Variants in PHACTR1 observed in about 807,000 individuals in gnomAD.
PHACTR1 encodes RPEL repeat containing 1.
Under a neutral mutation model 69.2 loss-of-function variants are expected in PHACTR1, and 16 were observed. The observed-to-expected ratio is 0.23, with a 90% CI of 0.16 to 0.35. PHACTR1 has a LOEUF of 0.35. PHACTR1 is among the 10% of genes least tolerant of loss of function. The probability of loss-of-function intolerance (pLI) is 1.00; values close to 1 mark genes in which losing one functional copy is unlikely to be tolerated. For synonymous variants in PHACTR1, 312 were observed against 284.5 expected (o/e 1.10, Z -0.97); for missense variants, 510 against 734.7 (o/e 0.69, Z 3.54).
At chr6:12,834,603 C>G (rs2127733762) in intron 4 of PHACTR1, among the ~76,000 whole-genome samples, 1 of 152,180 alleles carries the variant, frequency 6.6e-6, no homozygotes. Context: ...ACACACAAGT[C>G]CAGATAACTA....
intron 4 of PHACTR1, among the ~76,000 whole-genome samples, chr6:12,911,415 A>AG (rs1257196360): frequency 2.0e-5 from 3 of 152,254 alleles, no homozygotes; most frequent in African/African-American, 7.2e-5. Context: ...GAATCCCCAG[A>AG]GGAAAATACA....
intron 4 of PHACTR1, among the ~76,000 whole-genome samples, chr6:12,917,443 C>G (rs1562009413): frequency 6.6e-6 from 1 of 152,118 alleles, no homozygotes; most frequent in Admixed American, 6.5e-5. Context: ...CTTTGGTCAA[C>G]CCCAAGTAGA....
At chr6:13,078,700 T>G (rs1810916924) in intron 5 of PHACTR1, among the ~76,000 whole-genome samples, 1 of 152,198 alleles carries the variant, frequency 6.6e-6, no homozygotes, top group African/African-American at 2.4e-5. Context: ...TTCCTGTGAT[T>G]AGCATCCTCC....
intron 4 of PHACTR1, among the ~76,000 whole-genome samples, chr6:13,044,813 C>G (rs1804766045): frequency 1.3e-5 from 2 of 152,334 alleles, no homozygotes; most frequent in South Asian, 4.1e-4. Flanking sequence ...CTGACTGACA[C>G]CCGCTGAGTT....
intron 4 of PHACTR1, among the ~76,000 whole-genome samples, chr6:12,967,260 C>G (rs1460496014): frequency 1.3e-5 from 2 of 152,174 alleles, no homozygotes; most frequent in Non-Finnish European, 2.9e-5. Context: ...TCAAATGGCC[C>G]TCCAAGATGT....
chr6:13,272,956 C>T (rs777466815), intron 11 of PHACTR1, 41 bp downstream of exon 11: 19 of 1,609,240 alleles, frequency 1.2e-5, no homozygotes, highest in Admixed American at 8.5e-5. Context: ...TGTTTTGTGG[C>T]GGCTTTTGTT....
chr6:13,057,145 G>A (rs1206981570), intron 5 of PHACTR1, among the ~76,000 whole-genome samples: 2 of 152,068 alleles, frequency 1.3e-5, no homozygotes, highest in Non-Finnish European at 2.9e-5. Flanking sequence ...AGAAGAATTG[G>A]AATGTTCCAA....
chr6:13,141,724 C>CTTTTTTTTTTTTTTTTTTTT (rs577073698), intron 5 of PHACTR1, among the ~76,000 whole-genome samples: 1 of 89,802 alleles, frequency 1.1e-5, no homozygotes, highest in African/African-American at 4.2e-5. Context: ...TTTCTTCTTT[C>CTTTTTTTTTTTTTTTTTTTT]TTTTTTTTTT....
At chr6:13,230,369 T>C (rs1165905572) in intron 10 of PHACTR1, 176 bp downstream of exon 10, 1 of 1,402,456 alleles carries the variant, frequency 7.1e-7, no homozygotes, top group Non-Finnish European at 9.4e-7. Flanking sequence ...CTGGCCAACA[T>C]GGTGAAACCC....
chr6:13,198,024 C>A (rs1764675572), intron 7 of PHACTR1, among the ~76,000 whole-genome samples: 2 of 152,204 alleles, frequency 1.3e-5, no homozygotes, highest in Admixed American at 1.3e-4. Context: ...GTCCATTGGC[C>A]ACACTTTGAC....
rs1561962560 is a variant in PHACTR1 at position 13,187,824 on chromosome 6, C to CAATGAA, written c.664+5139_664+5140insATGAAA. ...AGTCATTGAAATATGAGCTAACAAG[C>CAATGAA]ATCTGACTGATATCAGTGAGAAGAG... is the stretch of plus-strand genomic sequence containing the variant. On this transcript the variant is annotated intron_variant, in intron 7 of 14. Coordinates refer to ENST00000332995, the MANE Select transcript of PHACTR1 (RefSeq NM_030948.6). Among the ~76,000 whole-genome samples, 717 of 152,332 alleles carry CAATGAA rather than the reference C, an allele frequency of 4.7e-3. 4 individuals carry two copies. The highest frequency in any genetic ancestry group is 0.017 in the African/African-American group (689 of 41,576).
At chr6:13,021,530 G>A (rs926598073) in intron 4 of PHACTR1, among the ~76,000 whole-genome samples, 2 of 152,118 alleles carry the variant, frequency 1.3e-5, no homozygotes, top group African/African-American at 4.8e-5. Flanking sequence ...TCTCTCTTAT[G>A]TATGTACCTG....
At chr6:12,987,139 C>T (rs950346041) in intron 4 of PHACTR1, among the ~76,000 whole-genome samples, 1 of 152,000 alleles carries the variant, frequency 6.6e-6, no homozygotes, top group Admixed American at 6.6e-5. Context: ...AGCCAATAAT[C>T]TATTATGACT....
chr6:12,959,728 T>C (rs985410161), intron 4 of PHACTR1, among the ~76,000 whole-genome samples: 1 of 152,224 alleles, frequency 6.6e-6, no homozygotes, highest in Non-Finnish European at 1.5e-5. Flanking sequence ...CAAGGCTCTT[T>C]AGTGCCTCCC....
chr6:13,170,436 C>T (rs569397545), intron 6 of PHACTR1, among the ~76,000 whole-genome samples: 1 of 152,298 alleles, frequency 6.6e-6, no homozygotes, highest in South Asian at 2.1e-4. Flanking sequence ...GCATAGTGGG[C>T]ATCAATGCCT....
chr6:12,961,953 G>A (rs77733229), intron 4 of PHACTR1, among the ~76,000 whole-genome samples: 4,286 of 152,104 alleles, frequency 0.028, 201 homozygotes, highest in African/African-American at 0.099. Context: ...TTTTGAGTCA[G>A]GATCTGTCTC....
intron 4 of PHACTR1, among the ~76,000 whole-genome samples, chr6:12,871,155 C>T (rs1296337570): frequency 6.6e-6 from 1 of 152,116 alleles, no homozygotes; most frequent in Non-Finnish European, 1.5e-5. Flanking sequence ...AGACTTCTAG[C>T]AGAAAATGGA....
intron 4 of PHACTR1, among the ~76,000 whole-genome samples, chr6:12,762,072 G>T (rs1768087864): frequency 6.6e-6 from 1 of 152,158 alleles, no homozygotes; most frequent in Non-Finnish European, 1.5e-5. Flanking sequence ...CAACAGTTTT[G>T]GTGCGGGACC....
chr6:12,865,889 T>A (rs774814410), intron 4 of PHACTR1, among the ~76,000 whole-genome samples: 2 of 152,166 alleles, frequency 1.3e-5, no homozygotes, highest in Non-Finnish European at 2.9e-5. Flanking sequence ...GGCTCAATGA[T>A]GAAGTTCAGT....
Sources: allele counts gnomAD v4.1 joint callset (sites outside exome capture counted in the v4.1 genomes callset), GRCh38; gene constraint gnomAD v4.1.1; transcripts MANE v1.5; gene names NCBI Gene and HGNC (gene_info 2026-07-23, HGNC 2026-07-21).